The following TENM1 variants were observed in gnomAD, a reference collection of about 807,000 sequenced individuals.
TENM1 encodes teneurin-1.
Under a neutral mutation model 174.8 loss-of-function variants are expected in TENM1, and 35 were observed. The observed-to-expected ratio is 0.20, with a 90% CI of 0.15 to 0.27. TENM1 has a LOEUF of 0.27. Ranked by LOEUF, TENM1 falls within the 10% of genes least tolerant of loss-of-function variation. TENM1 has a pLI of 1.00. For synonymous variants in TENM1, 781 were observed against 798.7 expected, an observed-to-expected ratio of 0.98 and a Z score of 0.37; for missense variants, 1,633 against 2,130.1, an observed-to-expected ratio of 0.77 and a Z score of 4.59.
At chrX:124,524,292 TAACA>T (rs1486296091) in intron 16 of TENM1, among the ~76,000 whole-genome samples, 1 of 112,217 alleles carries the variant, frequency 8.9e-6, no homozygotes, top group Non-Finnish European at 1.9e-5. Context: ...GATGACTATC[TAACA>T]TTTAGCAGCA....
At chrX:125,144,635 T>C in the TENM1 span, among the ~76,000 whole-genome samples, 38 of 111,852 alleles carry the variant, frequency 3.4e-4, no homozygotes, top group East Asian at 2.8e-3. Flanking sequence ...CACAGGAGCA[T>C]AGGAGCATCC....
At chrX:124,486,455 G>A (rs748149181) in intron 21 of TENM1, among the ~76,000 whole-genome samples, 1 of 112,025 alleles carries the variant, frequency 8.9e-6, no homozygotes, top group South Asian at 3.7e-4. Context: ...AAGGCTGATC[G>A]TCTGTACTGG....
At chrX:124,764,010 A>C (rs1166356273) in intron 3 of TENM1, among the ~76,000 whole-genome samples, 2 of 112,265 alleles carry the variant, frequency 1.8e-5, no homozygotes, top group Non-Finnish European at 3.8e-5. Context: ...CTTGAATCCA[A>C]CGTTTATAAA....
intron 3 of TENM1, among the ~76,000 whole-genome samples, chrX:124,842,683 T>C (rs1019599557): frequency 9.1e-6 from 1 of 110,371 alleles, no homozygotes; most frequent in South Asian, 3.9e-4. Context: ...TGTCCCTTTT[T>C]ATAGGGATAC....
chrX:124,415,106 G>C (rs960029823), intron 25 of TENM1, among the ~76,000 whole-genome samples: 10 of 112,282 alleles, frequency 8.9e-5, no homozygotes, highest in Admixed American at 1.9e-4. Context: ...AGAAGGACAA[G>C]AGAAAACTTG....
At chrX:124,386,497 A>G (rs2060220605) in intron 28 of TENM1, among the ~76,000 whole-genome samples, 1 of 110,672 alleles carries the variant, frequency 9.0e-6, no homozygotes, top group Admixed American at 9.6e-5. Context: ...CAGAGAGCAC[A>G]GCCTTGTGAG....
chrX:124,411,502 C>T (rs1239656655), intron 25 of TENM1, among the ~76,000 whole-genome samples: 2 of 111,662 alleles, frequency 1.8e-5, no homozygotes, highest in African/African-American at 6.5e-5. Context: ...TGAAAGTGTA[C>T]ATTTGACTGT....
chrX:125,002,844 T>A, the TENM1 span, among the ~76,000 whole-genome samples: 1 of 111,659 alleles, frequency 9.0e-6, no homozygotes, highest in Non-Finnish European at 1.9e-5. Flanking sequence ...CAGGAATGGG[T>A]CCAGCCTTTA....
chrX:125,066,440 C>G, the TENM1 span, among the ~76,000 whole-genome samples: 217 of 111,437 alleles, frequency 1.9e-3, no homozygotes, highest in African/African-American at 6.4e-3. Context: ...GTTCCCTTCA[C>G]ATTACAATCC....
At chrX:124,933,326 C>G (rs2058200059) in intron 1 of TENM1, among the ~76,000 whole-genome samples, 1 of 112,120 alleles carries the variant, frequency 8.9e-6, no homozygotes. Context: ...ATTGGGAAAG[C>G]CCTGTTCCAA....
At chrX:124,480,067 T>A (rs926461451) in intron 22 of TENM1, among the ~76,000 whole-genome samples, 1 of 111,797 alleles carries the variant, frequency 8.9e-6, no homozygotes, top group African/African-American at 3.3e-5. Flanking sequence ...AAGAGTTACT[T>A]AATTGATCAA....
At chrX:124,961,125 T>C (rs1320579306) in intron 1 of TENM1, among the ~76,000 whole-genome samples, 1 of 112,309 alleles carries the variant, frequency 8.9e-6, no homozygotes, top group Non-Finnish European at 1.9e-5. Context: ...ATTAGAGTAC[T>C]GTAATTTTCA....
rs747670288 is a variant in TENM1 at position 124,601,320 on chromosome X, G to A, written c.2078-35760C>T. ...GTAGAAACTTTGGAGTCAAACTTAC[G>A]TGTGAGAGAAAGTGGGAGAAAAGTG... is the stretch of plus-strand genomic sequence containing the variant. On this transcript the variant is annotated intron_variant, in intron 11 of 31. Coordinates refer to ENST00000422452, the Ensembl canonical transcript of TENM1. Among the ~76,000 whole-genome samples, 6 of 111,162 alleles carry A rather than the reference G, an allele frequency of 5.4e-5. No individual in the cohort carries two copies. The East Asian group carries it at 1.1e-3, about 21-fold the overall frequency.
At chrX:125,115,537 A>G in the TENM1 span, among the ~76,000 whole-genome samples, 12 of 111,965 alleles carry the variant, frequency 1.1e-4, no homozygotes, top group Non-Finnish European at 2.1e-4. Context: ...CAACTTCAGC[A>G]AAGTCTCAGG....
chrX:124,382,596 GTATA>G, intron 31 of TENM1, 70 bp downstream of exon 34: 3 of 995,603 alleles, frequency 3.0e-6, no homozygotes, highest in Non-Finnish European at 4.1e-6. Flanking sequence ...GCAAACATAT[GTATA>G]TATAATTTCT....
chrX:124,582,074 C>T (rs1030808717), intron 11 of TENM1, among the ~76,000 whole-genome samples: 1 of 110,521 alleles, frequency 9.0e-6, no homozygotes, highest in Admixed American at 9.6e-5. Context: ...GTGTGTTGTT[C>T]CCCCCCATGT....
intron 11 of TENM1, among the ~76,000 whole-genome samples, chrX:124,570,141 AC>A (rs1211072378): frequency 9.0e-6 from 1 of 111,676 alleles, no homozygotes; most frequent in East Asian, 2.8e-4. Context: ...CTAGAATAAT[AC>A]AACTTAATAA....
the TENM1 span, among the ~76,000 whole-genome samples, chrX:125,053,459 C>T: frequency 8.9e-6 from 1 of 111,982 alleles, no homozygotes; most frequent in Non-Finnish European, 1.9e-5. Flanking sequence ...AAGTGATGGG[C>T]TTAGATTAGT....
intron 5 of TENM1, among the ~76,000 whole-genome samples, chrX:124,699,051 C>T (rs1377169186): frequency 8.9e-6 from 1 of 111,989 alleles, no homozygotes; most frequent in Non-Finnish European, 1.9e-5. Flanking sequence ...TTATTCACTT[C>T]AGAGTAAGTA....
Sources: allele counts gnomAD v4.1 joint callset (sites outside exome capture counted in the v4.1 genomes callset), GRCh38; gene constraint gnomAD v4.1.1; transcripts MANE v1.5; gene names NCBI Gene and HGNC (gene_info 2026-07-23, HGNC 2026-07-21).